The following ADAM2 variants were observed in gnomAD, a reference collection of about 807,000 sequenced individuals.
The protein encoded by ADAM2 is disintegrin and metalloproteinase domain-containing protein 2.
ADAM2 carries 101 observed loss-of-function variants against 99.3 expected under a neutral mutation model. The observed-to-expected ratio is 1.02, with a 90% CI of 0.87 to 1.20. The LOEUF (loss-of-function observed/expected upper bound fraction) is 1.20, where lower values mean the gene tolerates loss of function less well. Among genes scored for constraint, ADAM2 ranks in the 50% most tolerant of loss-of-function variants. ADAM2 has a pLI of 0.00. For missense variants in ADAM2, 948 were observed against 878.7 expected (o/e 1.08, Z -1.00); for synonymous variants, 323 against 287.6 (o/e 1.12, Z -1.25).
intron 11 of ADAM2, among the ~76,000 whole-genome samples, chr8:39,770,598 A>G (rs954845160): frequency 3.3e-5 from 5 of 152,180 alleles, no homozygotes; most frequent in African/African-American, 7.2e-5. Context: ...TTTTAAAATT[A>G]TATGCAGTTT....
At chr8:39,813,724 A>G (rs1372010008) in intron 6 of ADAM2, among the ~76,000 whole-genome samples, 1 of 151,936 alleles carries the variant, frequency 6.6e-6, no homozygotes, top group Admixed American at 6.6e-5. Flanking sequence ...AAACAATTAG[A>G]ACACTTGGAC....
At chr8:39,766,280 TTCTC>T (rs1038136465) in intron 14 of ADAM2, among the ~76,000 whole-genome samples, 7 of 152,210 alleles carry the variant, frequency 4.6e-5, no homozygotes, top group African/African-American at 1.4e-4. Flanking sequence ...ATAGTTTGTG[TTCTC>T]TCTACTTTCT....
intron 7 of ADAM2, among the ~76,000 whole-genome samples, chr8:39,805,248 A>G (rs1162241158): frequency 2.0e-5 from 3 of 152,192 alleles, no homozygotes; most frequent in Non-Finnish European, 2.9e-5. Flanking sequence ...TTATGTTTTG[A>G]TAGGGACAGG....
chr8:39,745,237 C>CTT (rs1823398675), intron 19 of ADAM2, among the ~76,000 whole-genome samples: 1 of 152,102 alleles, frequency 6.6e-6, no homozygotes, highest in Non-Finnish European at 1.5e-5. Flanking sequence ...ACTAGCTATG[C>CTT]TTTTTTCCCT....
chr8:39,804,920 T>C (rs7821582), intron 7 of ADAM2, among the ~76,000 whole-genome samples: 110,473 of 151,972 alleles, frequency 0.73, 41,146 homozygotes, highest in African/African-American at 0.89. Flanking sequence ...ATGTGTGGAG[T>C]GATCATGATT....
At chr8:39,771,545 A>T (rs1246081646) in intron 11 of ADAM2, among the ~76,000 whole-genome samples, 1 of 152,172 alleles carries the variant, frequency 6.6e-6, no homozygotes, top group Non-Finnish European at 1.5e-5. Flanking sequence ...GATGGAAGAC[A>T]TTGTTAATAG....
chr8:39,796,256 T>A (rs1429161893), intron 7 of ADAM2, among the ~76,000 whole-genome samples: 1 of 152,082 alleles, frequency 6.6e-6, no homozygotes, highest in East Asian at 1.9e-4. Flanking sequence ...GCATTCTCAA[T>A]GTTCAGCTCC....
chr8:39,745,009 C>A (rs2129582483), intron 19 of ADAM2, 116 bp from the exon 20 acceptor site: 2 of 750,674 alleles, frequency 2.7e-6, no homozygotes, highest in South Asian at 4.0e-5. Flanking sequence ...CTGGGTTCAC[C>A]CATTATTTGA....
chr8:39,838,041 A>G, intron 1 of ADAM2, 90 bp downstream of exon 1: 1 of 1,422,886 alleles, frequency 7.0e-7, no homozygotes, highest in Non-Finnish European at 9.9e-7. Context: ...TCAGGAAAGC[A>G]TCCTCCCAGG....
intron 11 of ADAM2, chr8:39,774,555 G>T (rs1399162214): frequency 2.6e-5 from 4 of 151,966 alleles, no homozygotes; most frequent in African/African-American, 9.6e-5. Flanking sequence ...GGTGCAATTA[G>T]AAAAACAATA....
rs1457385742 is a variant in ADAM2 at position 39,802,177 on chromosome 8, CCCA to C, written c.570+7230_570+7232del. 3.0e-3 allele frequency among the ~76,000 whole-genome samples: 458 copies of C among 152,268 alleles called. 3 individuals are homozygous for C. The highest frequency in any genetic ancestry group is 9.5e-3 in the African/African-American group (396 of 41,556). On this transcript the variant is annotated intron_variant, in intron 7 of 20. Transcript: ENST00000265708. ...ACAGTTCCGTGGGAAAAGCAGTTTC[CCCA>C]GCTGGGTTGTGTGCTCACTCACTGC...
Position 39,766,788 on chromosome 8 carries a change from T to A in ADAM2, c.1507+60A>T, listed in dbSNP as rs1423598877. ...AAAATCACAATCATGTATCAGCATC[T>A]ATTTCTGTTCAGTTTCCAGAAAAAA... On this transcript the variant is annotated intron_variant, in intron 14 of 20. Coordinates refer to ENST00000265708, the MANE Select transcript of ADAM2 (RefSeq NM_001464.5). 34 of 1,099,364 alleles carry A rather than the reference T, an allele frequency of 3.1e-5. No individual in the cohort carries two copies. The Admixed American group carries it at 4.3e-4, about 14-fold the overall frequency. 68.1% of individuals were successfully genotyped at this position (1,099,364 alleles called of 1,614,324 possible).
At chr8:39,831,485 G>A (rs1805615724) in intron 3 of ADAM2, among the ~76,000 whole-genome samples, 1 of 151,958 alleles carries the variant, frequency 6.6e-6, no homozygotes, top group Non-Finnish European at 1.5e-5. Context: ...CCAAACATAT[G>A]GAAAAGTCCA....
intron 10 of ADAM2, among the ~76,000 whole-genome samples, chr8:39,782,569 T>C (rs1313201824): frequency 2.0e-5 from 3 of 152,146 alleles, no homozygotes; most frequent in African/African-American, 4.8e-5. Context: ...ACTATGCCAA[T>C]GGTTCAATGG....
chr8:39,755,067 T>C (rs754252895), intron 16 of ADAM2, among the ~76,000 whole-genome samples: 9 of 152,172 alleles, frequency 5.9e-5, no homozygotes, highest in Non-Finnish European at 8.8e-5. Flanking sequence ...TTTTCATCAG[T>C]AAAATGGGCA....
chr8:39,823,564 G>A (rs1337187747), intron 4 of ADAM2, among the ~76,000 whole-genome samples: 2 of 151,218 alleles, frequency 1.3e-5, no homozygotes, highest in Non-Finnish European at 2.9e-5. Flanking sequence ...ATCTTTCATG[G>A]TTACCTCTTG....
chr8:39,786,922 TA>T, intron 10 of ADAM2, 51 bp downstream of exon 10: 1 of 1,287,306 alleles, frequency 7.8e-7, no homozygotes, highest in Non-Finnish European at 1.1e-6. Context: ...TGAAAATGTG[TA>T]ACTGTATACT....
intron 14 of ADAM2, among the ~76,000 whole-genome samples, chr8:39,764,625 T>C (rs1051266781): frequency 2.0e-5 from 3 of 152,176 alleles, no homozygotes; most frequent in East Asian, 3.9e-4. Context: ...ACAATAAAGC[T>C]TTCTCTTTTC....
chr8:39,836,392 T>C (rs1252968762), intron 2 of ADAM2, among the ~76,000 whole-genome samples: 1 of 152,192 alleles, frequency 6.6e-6, no homozygotes, highest in African/African-American at 2.4e-5. Context: ...TTAAATGATT[T>C]GTTTTAGTAA....
Sources: gnomAD v4.1 joint callset for allele counts (sites outside exome capture counted in the v4.1 genomes callset) on GRCh38, gnomAD v4.1.1 for gene constraint, MANE v1.5 for transcripts, NCBI Gene and HGNC (gene_info 2026-07-23, HGNC 2026-07-21) for gene names.